The following ADARB2 variants were observed in gnomAD, a reference collection of about 807,000 sequenced individuals.
ADARB2 encodes adenosine deaminase RNA specific B2 (inactive).
Under a neutral mutation model 62.2 loss-of-function variants are expected in ADARB2, and 25 were observed. The observed-to-expected ratio is 0.40, with a 90% CI of 0.29 to 0.56. The LOEUF (loss-of-function observed/expected upper bound fraction) is 0.56, where lower values mean the gene tolerates loss of function less well. Among genes scored for constraint, ADARB2 ranks in the 20% least tolerant of loss-of-function variants. The pLI, the probability that ADARB2 is intolerant of heterozygous loss-of-function variation, is 0.43. For missense variants in ADARB2, 1,071 were observed against 1,077.4 expected, an observed-to-expected ratio of 0.99 and a Z score of 0.08; for synonymous variants, 572 against 500.8, an observed-to-expected ratio of 1.14 and a Z score of -1.90.
chr10:1,351,975 T>G (rs4880829), intron 3 of ADARB2, among the ~76,000 whole-genome samples: 69,423 of 141,222 alleles, frequency 0.49, 18,978 homozygotes, highest in Middle Eastern at 0.59. Context: ...TTCTGTTCTG[T>G]ATCTCAAACA....
At chr10:1,191,226 T>C (rs1158758033) in intron 8 of ADARB2, among the ~76,000 whole-genome samples, 1 of 152,220 alleles carries the variant, frequency 6.6e-6, no homozygotes, top group Non-Finnish European at 1.5e-5. Context: ...CTGTGTGTGA[T>C]GAGGACCAGC....
intron 1 of ADARB2, among the ~76,000 whole-genome samples, chr10:1,695,869 CAT>C (rs1280591450): frequency 1.3e-5 from 2 of 151,440 alleles, no homozygotes; most frequent in South Asian, 2.1e-4. Flanking sequence ...TGTACACACA[CAT>C]GCATGAGGAC....
At chr10:1,419,947 G>A (rs1001663468) in intron 1 of ADARB2, among the ~76,000 whole-genome samples, 1 of 152,230 alleles carries the variant, frequency 6.6e-6, no homozygotes, top group Admixed American at 6.5e-5. Context: ...AGTGTAAAAT[G>A]TAGCACAAAT....
intron 3 of ADARB2, among the ~76,000 whole-genome samples, chr10:1,279,720 G>A (rs1430593616): frequency 1.3e-5 from 2 of 152,160 alleles, no homozygotes; most frequent in Non-Finnish European, 2.9e-5. Flanking sequence ...GACTTGCTTG[G>A]GCCCTGCCAT....
intron 1 of ADARB2, among the ~76,000 whole-genome samples, chr10:1,538,523 C>G (rs985455095): frequency 6.6e-6 from 1 of 152,224 alleles, no homozygotes; most frequent in Non-Finnish European, 1.5e-5. Context: ...CAGAGGATCA[C>G]GCGGCCCCCA....
rs1211619296 is a variant in ADARB2, at chr10:1,327,050, CCCCA to C, written c.1077+35974_1077+35977del. Among the ~76,000 whole-genome samples, 66 of 90,948 alleles carry C rather than the reference CCCCA, an allele frequency of 7.3e-4. 11 individuals carry two copies. The highest frequency in any genetic ancestry group is 9.9e-4 in the Non-Finnish European group (42 of 42,466). The allele number at this position is 90,948 out of a possible 152,430, so 59.7% of individuals were successfully genotyped here. ...AGCGCCTCCCCACTGCCCAGCGCCTCCCCACTGCCCAGCGCCTCCCCACTGCACA... is the reference window on the plus strand; with the variant it reads ...AGCGCCTCCCCACTGCCCAGCGCCTCCTGCCCAGCGCCTCCCCACTGCACA... On this transcript the variant is annotated intron_variant, in intron 3 of 9. Coordinates refer to ENST00000381312, the MANE Select transcript of ADARB2 (RefSeq NM_018702.4).
intron 5 of ADARB2, among the ~76,000 whole-genome samples, chr10:1,241,710 A>G (rs923896430): frequency 1.3e-5 from 2 of 152,184 alleles, no homozygotes; most frequent in African/African-American, 4.8e-5. Flanking sequence ...GCCTCTTCAC[A>G]TGTACTTGGC....
Position 1,574,220 on chromosome 10 carries a change from T to C in ADARB2, c.100+162831A>G, listed in dbSNP as rs531224559. Among the ~76,000 whole-genome samples, 3 of 152,258 alleles carry C rather than the reference T, an allele frequency of 2.0e-5. No homozygotes were observed. In the South Asian group the frequency reaches 6.2e-4, roughly 32 times the overall value. On this transcript the variant is annotated intron_variant, in intron 1 of 9. Transcript: ENST00000381312. ...CACGGAACGGACAGCCTCTTACACA[T>C]GCACAGCATGAAGGAAACAGCCGGT...
At chr10:1,308,088 ATAAAT>A (rs1403818213) in intron 3 of ADARB2, among the ~76,000 whole-genome samples, 2 of 51,190 alleles carry the variant, frequency 3.9e-5, no homozygotes, top group Admixed American at 2.8e-4. Flanking sequence ...AATAAAAAAA[ATAAAT>A]TAAAAAAAAA....
At position 1,363,442 on chromosome 10, in the gene ADARB2, G is replaced by T; in HGVS notation, c.663C>A (p.Asp221Glu). The change falls in exon 3 of 10, where the codon GAC becomes GAA. Residue 221 changes from aspartate (D) to glutamate (E), a missense_variant. Physicochemically the swap from Asp to Glu is conservative, Grantham distance 45. Coordinates refer to ENST00000381312, the MANE Select transcript of ADARB2 (RefSeq NM_018702.4). ...GGGGCTCGAACTCCTGGAAGAGCGTGTCGGGGAAATCGGCCTGGTCGGAGG... is the reference window on the plus strand; with the variant it reads ...GGGGCTCGAACTCCTGGAAGAGCGTTTCGGGGAAATCGGCCTGGTCGGAGG... ...DFTSDQADFPDTLFQEFEPPA... is the reference protein window; with the variant it reads ...DFTSDQADFPETLFQEFEPPA... The T allele has an allele frequency of 7.1e-7, 1 of 1,415,742 alleles. No homozygotes were observed. 87.7% of individuals were successfully genotyped at this position (1,415,742 alleles called of 1,614,324 possible).
intron 6 of ADARB2, among the ~76,000 whole-genome samples, chr10:1,225,336 G>T (rs1235975475): frequency 6.6e-6 from 1 of 152,178 alleles, no homozygotes; most frequent in Non-Finnish European, 1.5e-5. Context: ...CCTGAATACA[G>T]CACACTGATG....
intron 1 of ADARB2, among the ~76,000 whole-genome samples, chr10:1,480,584 G>A (rs958633758): frequency 3.5e-4 from 54 of 152,248 alleles, no homozygotes; most frequent in African/African-American, 1.1e-3. Flanking sequence ...TGTAGTCCCC[G>A]CTACTCAGGA....
At chr10:1,242,107 T>TG in intron 5 of ADARB2, 24 bp downstream of exon 5, 1 of 1,581,810 alleles carries the variant, frequency 6.3e-7, no homozygotes, top group South Asian at 1.1e-5. Flanking sequence ...CCGCCTTCCC[T>TG]GGAGCCCGTC....
chr10:1,342,712 T>C (rs760527401), intron 3 of ADARB2, among the ~76,000 whole-genome samples: 2 of 152,224 alleles, frequency 1.3e-5, no homozygotes, highest in Non-Finnish European at 1.5e-5. Context: ...TCAGCCACCT[T>C]TTCTGCATCT....
intron 1 of ADARB2, among the ~76,000 whole-genome samples, chr10:1,662,908 C>CA (rs1834267959): frequency 6.6e-6 from 1 of 152,198 alleles, no homozygotes; most frequent in Non-Finnish European, 1.5e-5. Flanking sequence ...GACATTTGTA[C>CA]ACATGTGGCC....
chr10:1,488,378 T>C lies in ADARB2; in HGVS notation c.101-109218A>G, dbSNP rs559378302. Reference sequence around the variant, plus strand: ...ATGACCTGTGTCTGGGTTGCTGGTGTGATGTATTACAGTTTCTACAATTTG... The same window carrying C: ...ATGACCTGTGTCTGGGTTGCTGGTGCGATGTATTACAGTTTCTACAATTTG... On this transcript the variant is annotated intron_variant, in intron 1 of 9. Coordinates refer to ENST00000381312, the MANE Select transcript of ADARB2 (RefSeq NM_018702.4). 5.8e-4 allele frequency among the ~76,000 whole-genome samples: 89 copies of C among 152,294 alleles called. No homozygotes were observed. The South Asian group carries it at 0.016, about 27-fold the overall frequency.
At chr10:1,540,493 A>AAC (rs1289981114) in intron 1 of ADARB2, among the ~76,000 whole-genome samples, 8,319 of 111,474 alleles carry the variant, frequency 0.075, 1,436 homozygotes, top group Non-Finnish European at 0.097. Context: ...CGTAGTTCAG[A>AAC]CCCTGGATCA....
Position 1,668,911 on chromosome 10 carries a change from T to C in ADARB2, c.100+68140A>G, listed in dbSNP as rs11250719. Among the ~76,000 whole-genome samples, 44 of 152,322 alleles carry C rather than the reference T, an allele frequency of 2.9e-4. 1 individual carries two copies. The East Asian group carries it at 7.9e-3, about 27-fold the overall frequency. ...GCTCCTGGTGGCAAAGGTGTTATTA[T>C]GTGTGACAGAGCCTGGTTAGGTGGC... On this transcript the variant is annotated intron_variant, in intron 1 of 9. Transcript: ENST00000381312.
At chr10:1,428,443 C>T (rs184265498) in intron 1 of ADARB2, among the ~76,000 whole-genome samples, 46 of 152,142 alleles carry the variant, frequency 3.0e-4, no homozygotes, top group African/African-American at 9.6e-4. Flanking sequence ...CCCATCACCA[C>T]GCCCAGCTAA....
Sources: gnomAD v4.1 joint callset for allele counts (sites outside exome capture counted in the v4.1 genomes callset) on GRCh38, gnomAD v4.1.1 for gene constraint, MANE v1.5 for transcripts, NCBI Gene and HGNC (gene_info 2026-07-23, HGNC 2026-07-21) for gene names.